Variants in PDE10A observed in about 807,000 individuals in gnomAD.
PDE10A encodes the protein phosphodiesterase 10A.
Under a neutral mutation model 97.7 loss-of-function variants are expected in PDE10A, and 39 were observed. That is an observed-to-expected ratio of 0.40 (90% CI 0.31 to 0.52). The LOEUF (loss-of-function observed/expected upper bound fraction) is 0.52. PDE10A is among the 20% of genes least tolerant of loss of function. PDE10A has a pLI of 0.56. For synonymous variants in PDE10A, 371 were observed against 376.8 expected, an observed-to-expected ratio of 0.98 and a Z score of 0.18; for missense variants, 731 against 1,047.8, an observed-to-expected ratio of 0.70 and a Z score of 4.17.
chr6:165,946,857 T>G (rs1255864888), intron 1 of PDE10A: 1 of 152,224 alleles, frequency 6.6e-6, no homozygotes, highest in Non-Finnish European at 1.5e-5. Context: ...TCTATCTATA[T>G]ATACACTTGC....
intron 1 of PDE10A, among the ~76,000 whole-genome samples, chr6:165,707,524 C>T (rs951122541): frequency 6.6e-6 from 1 of 152,178 alleles, no homozygotes; most frequent in Non-Finnish European, 1.5e-5. Context: ...CAGGTGGCTA[C>T]CAATTGTGTG....
At chr6:165,440,027 C>G (rs1790313721) in intron 5 of PDE10A, among the ~76,000 whole-genome samples, 1 of 151,940 alleles carries the variant, frequency 6.6e-6, no homozygotes, top group Non-Finnish European at 1.5e-5. Flanking sequence ...AACTTACAAC[C>G]AGTTAAATTT....
chr6:165,555,916 T>C (rs906092038), intron 1 of PDE10A, among the ~76,000 whole-genome samples: 6 of 152,198 alleles, frequency 3.9e-5, no homozygotes, highest in African/African-American at 1.4e-4. Context: ...AGGTTTGAAT[T>C]GCACTGCTCC....
intron 1 of PDE10A, among the ~76,000 whole-genome samples, chr6:165,697,629 A>G (rs1289331904): frequency 6.6e-6 from 1 of 152,216 alleles, no homozygotes; most frequent in Non-Finnish European, 1.5e-5. Context: ...AAAGTACTAT[A>G]CAAGTTCATT....
chr6:165,959,809 G>T (rs1784304209), intron 1 of PDE10A, among the ~76,000 whole-genome samples: 1 of 151,998 alleles, frequency 6.6e-6, no homozygotes, highest in Non-Finnish European at 1.5e-5. Flanking sequence ...GCCTGGGGAG[G>T]GGCAACTTAG....
chr6:165,765,212 A>C (rs1777799920), intron 1 of PDE10A, among the ~76,000 whole-genome samples: 1 of 152,278 alleles, frequency 6.6e-6, no homozygotes, highest in African/African-American at 2.4e-5. Context: ...TCAGGAGCCC[A>C]GCTGGCTTCA....
chr6:165,899,397 G>A (rs962533332), intron 1 of PDE10A, among the ~76,000 whole-genome samples: 1 of 152,138 alleles, frequency 6.6e-6, no homozygotes, highest in Admixed American at 6.5e-5. Flanking sequence ...TTCAGCCATC[G>A]TTTTCACATA....
chr6:165,567,757 C>G (rs77353940), intron 1 of PDE10A, among the ~76,000 whole-genome samples: 3,824 of 152,154 alleles, frequency 0.025, 165 homozygotes, highest in African/African-American at 0.088. Flanking sequence ...TATAAATAAT[C>G]CAAGGTCACA....
chr6:165,891,754 G>C (rs529712642), intron 1 of PDE10A, among the ~76,000 whole-genome samples: 2 of 152,006 alleles, frequency 1.3e-5, no homozygotes, highest in East Asian at 3.9e-4. Context: ...AAAATTCAAG[G>C]CATCTGTAAT....
intron 1 of PDE10A, among the ~76,000 whole-genome samples, chr6:165,758,551 AGAAGAG>A (rs1181129179): frequency 7.9e-5 from 7 of 89,004 alleles, no homozygotes; most frequent in African/African-American, 2.0e-4. Context: ...AAGAGGAAGA[AGAAGAG>A]GAAGAGGAAG....
At chr6:165,415,206 TG>T (rs1169387137) in intron 12 of PDE10A, among the ~76,000 whole-genome samples, 1 of 152,240 alleles carries the variant, frequency 6.6e-6, no homozygotes, top group Non-Finnish European at 1.5e-5. Context: ...AAGTACTAAA[TG>T]ATGAGTTTGG....
At chr6:165,517,794 G>A (rs547265895) in intron 2 of PDE10A, among the ~76,000 whole-genome samples, 16 of 152,262 alleles carry the variant, frequency 1.1e-4, no homozygotes, top group African/African-American at 2.6e-4. Flanking sequence ...TGGTGGTTAC[G>A]GGAATCTACA....
rs1196711898 is a variant in PDE10A, at chr6:165,660,483, T to C, written c.865+1464A>G. ...CCCGCACGGGTGTACGAGAGGCCGC[T>C]GACCACGCGGCCGCCGTGGACTCGC... On this transcript the variant is annotated intron_variant, in intron 1 of 21. Transcript: ENST00000539869. 3.3e-5 allele frequency: 5 copies of C among 152,416 alleles called. No individual in the cohort carries two copies. In the East Asian group the frequency reaches 9.7e-4, roughly 29 times the overall value. 9.4% of individuals were successfully genotyped at this position (152,416 alleles called of 1,614,324 possible). A position where few individuals can be genotyped will look rare whatever the true frequency, so the allele number is the denominator to read the frequency against.
At chr6:165,782,429 G>A (rs1778364841) in intron 1 of PDE10A, among the ~76,000 whole-genome samples, 1 of 152,170 alleles carries the variant, frequency 6.6e-6, no homozygotes, top group Admixed American at 6.5e-5. Flanking sequence ...GCCAAGGCGT[G>A]GGAAACCTGA....
At chr6:165,633,974 T>G (rs905096369) in intron 1 of PDE10A, among the ~76,000 whole-genome samples, 1 of 152,180 alleles carries the variant, frequency 6.6e-6, no homozygotes, top group African/African-American at 2.4e-5. Flanking sequence ...GTCTGCTATT[T>G]AAGAAAGTCC....
chr6:165,527,983 C>T (rs889809222), intron 2 of PDE10A, among the ~76,000 whole-genome samples: 4 of 152,152 alleles, frequency 2.6e-5, no homozygotes, highest in South Asian at 2.1e-4. Flanking sequence ...TAGAGGACGG[C>T]GGTGAAGGGT....
At chr6:165,628,439 A>C (rs1020739429) in intron 1 of PDE10A, among the ~76,000 whole-genome samples, 4 of 152,092 alleles carry the variant, frequency 2.6e-5, no homozygotes, top group African/African-American at 9.7e-5. Flanking sequence ...ATGTAGACTC[A>C]AACTCCTGGT....
intron 2 of PDE10A, among the ~76,000 whole-genome samples, chr6:165,542,682 G>A (rs1257643562): frequency 1.4e-5 from 2 of 141,164 alleles, no homozygotes; most frequent in South Asian, 2.4e-4. Flanking sequence ...GCAGTGGCGC[G>A]ATCTCGGCTC....
At chr6:165,779,343 A>C (rs1163039177) in intron 1 of PDE10A, among the ~76,000 whole-genome samples, 1 of 152,216 alleles carries the variant, frequency 6.6e-6, no homozygotes, top group Non-Finnish European at 1.5e-5. Context: ...TGTGTAGTGA[A>C]TGATCGTGTG....
Sources: allele counts gnomAD v4.1 joint callset (sites outside exome capture counted in the v4.1 genomes callset), GRCh38; gene constraint gnomAD v4.1.1; transcripts MANE v1.5; gene names NCBI Gene and HGNC (gene_info 2026-07-23, HGNC 2026-07-21).